Variants in CDC42SE2 observed in about 807,000 individuals in gnomAD.
The protein encoded by CDC42SE2 is CDC42 small effector 2.
CDC42SE2 carries 3 observed loss-of-function variants against 11.5 expected under a neutral mutation model. The ratio of observed to expected loss-of-function variants is 0.26; its 90% confidence interval spans 0.12 to 0.67. The LOEUF (loss-of-function observed/expected upper bound fraction) is 0.67. Among genes scored for constraint, CDC42SE2 ranks in the 30% least tolerant of loss-of-function variants. CDC42SE2 has a pLI of 0.80. For missense variants in CDC42SE2, 82 were observed against 106.8 expected, an observed-to-expected ratio of 0.77 and a Z score of 1.02; for synonymous variants, 33 against 34.8, an observed-to-expected ratio of 0.95 and a Z score of 0.18.
At chr5:131,268,127 A>G (rs1372058659) in intron 1 of CDC42SE2, among the ~76,000 whole-genome samples, 2 of 140,316 alleles carry the variant, frequency 1.4e-5, no homozygotes, top group African/African-American at 5.7e-5. Flanking sequence ...CAATGGCGCA[A>G]TCTCGGCTCA....
At chr5:131,268,791 G>A (rs140786626) in intron 1 of CDC42SE2, among the ~76,000 whole-genome samples, 3 of 125,086 alleles carry the variant, frequency 2.4e-5, no homozygotes, top group African/African-American at 9.4e-5. Context: ...AGAGTCTGTC[G>A]CCAGGCTGGA....
At chr5:131,255,505 C>T (rs1756672987) in intron 2 of CDC42SE2, 1 of 152,090 alleles carries the variant, frequency 6.6e-6, no homozygotes, top group Admixed American at 6.6e-5. Flanking sequence ...TGGCTCATGC[C>T]CGTAATCCCA....
At chr5:131,215,950 A>G in the CDC42SE2 span, among the ~76,000 whole-genome samples, 1 of 152,254 alleles carries the variant, frequency 6.6e-6, no homozygotes, top group Non-Finnish European at 1.5e-5. Context: ...GTGACAATAA[A>G]TGAGGGAAGC....
At chr5:131,235,089 C>T in the CDC42SE2 span, among the ~76,000 whole-genome samples, 1 of 151,774 alleles carries the variant, frequency 6.6e-6, no homozygotes, top group Non-Finnish European at 1.5e-5. Context: ...AGCGGTTTCA[C>T]CTTGTTGGCC....
intron 1 of CDC42SE2, among the ~76,000 whole-genome samples, chr5:131,295,548 CACAT>C (rs1303048156): frequency 6.6e-6 from 1 of 152,084 alleles, no homozygotes; most frequent in African/African-American, 2.4e-5. Flanking sequence ...TTAAATGCGT[CACAT>C]ACATAAGTAT....
At chr5:131,313,234 G>T (rs551254666) in intron 1 of CDC42SE2, among the ~76,000 whole-genome samples, 1 of 151,840 alleles carries the variant, frequency 6.6e-6, no homozygotes, top group East Asian at 1.9e-4. Flanking sequence ...TGCCTGCCTC[G>T]GCCTCCCAAA....
chr5:131,372,441 T>C (rs1561433305), intron 3 of CDC42SE2, among the ~76,000 whole-genome samples: 1 of 151,912 alleles, frequency 6.6e-6, no homozygotes, highest in East Asian at 1.9e-4. Flanking sequence ...CTGGGCGCGG[T>C]GGTGGCTCAC....
intron 2 of CDC42SE2, among the ~76,000 whole-genome samples, 173 bp from the exon 3 acceptor site, chr5:131,359,036 C>T (rs551579045): frequency 2.6e-4 from 39 of 152,262 alleles, no homozygotes; most frequent in African/African-American, 9.1e-4. Context: ...ACACCTAGAA[C>T]TTGACACTTA....
chr5:131,290,519 G>A (rs1470374532), intron 1 of CDC42SE2, among the ~76,000 whole-genome samples: 1 of 123,704 alleles, frequency 8.1e-6, no homozygotes, highest in Non-Finnish European at 1.6e-5. Flanking sequence ...GTATGGCTCT[G>A]TCGCCCAGGC....
intron 2 of CDC42SE2, among the ~76,000 whole-genome samples, chr5:131,348,918 G>A (rs1397535122): frequency 6.6e-6 from 1 of 152,048 alleles, no homozygotes; most frequent in Non-Finnish European, 1.5e-5. Flanking sequence ...AAATGGTGCT[G>A]GGAAAACTGG....
upstream of CDC42SE2, among the ~76,000 whole-genome samples, chr5:131,261,913 C>CTT (rs780842618): frequency 4.5e-5 from 6 of 134,480 alleles, no homozygotes; most frequent in African/African-American, 1.1e-4. Flanking sequence ...CCTTAATTGA[C>CTT]TTTTTTTTTT....
At chr5:131,313,792 A>G (rs944023682) in intron 1 of CDC42SE2, among the ~76,000 whole-genome samples, 2 of 152,098 alleles carry the variant, frequency 1.3e-5, no homozygotes, top group South Asian at 2.1e-4. Flanking sequence ...TGATTGATCT[A>G]GCTCTTTGCC....
At chr5:131,292,929 A>C (rs1026440999) in intron 1 of CDC42SE2, among the ~76,000 whole-genome samples, 1 of 132,976 alleles carries the variant, frequency 7.5e-6, no homozygotes, top group Non-Finnish European at 1.7e-5. Flanking sequence ...AAAAAAAAAA[A>C]AAAAACAGAA....
At chr5:131,243,301 C>T (rs927118257), upstream of CDC42SE2, among the ~76,000 whole-genome samples, 9 of 152,088 alleles carry the variant, frequency 5.9e-5, no homozygotes, top group Non-Finnish European at 1.3e-4. Context: ...AATTTTTGGC[C>T]GGGCGCGGTG....
intron 4 of CDC42SE2, 49 bp from the exon 5 acceptor site, chr5:131,390,944 C>T (rs776368077): frequency 7.9e-7 from 1 of 1,261,964 alleles, no homozygotes; most frequent in South Asian, 1.2e-5. Context: ...TGCACCGGAC[C>T]TACTTCCTGA....
intron 2 of CDC42SE2, among the ~76,000 whole-genome samples, chr5:131,333,398 C>T (rs891362528): frequency 2.0e-5 from 3 of 152,110 alleles, no homozygotes; most frequent in South Asian, 2.1e-4. Flanking sequence ...AGTCAGGTAG[C>T]ATGATGCCTC....
In CDC42SE2 at chr5:131,295,683, AC is replaced by A. The variant is rs751461370; in HGVS notation, c.-454-20292del. ...GTGGACAGAAGAGTGAGGGTGAAAC[AC>A]TTTTTTTTTTTTTTTTGAGACAGAG... On this transcript the variant is annotated intron_variant, in intron 1 of 4. Transcript: ENST00000505065. Among the ~76,000 whole-genome samples the A allele has an allele frequency of 2.1e-4, 32 of 149,232 alleles. No individual in the cohort carries two copies. In the East Asian group the frequency reaches 4.5e-3, roughly 21 times the overall value.
At chr5:131,307,291 C>G (rs1757799883) in intron 1 of CDC42SE2, among the ~76,000 whole-genome samples, 1 of 145,852 alleles carries the variant, frequency 6.9e-6, no homozygotes, top group African/African-American at 2.5e-5. Flanking sequence ...TGTTCAGTTC[C>G]CACCTATGAG....
intron 1 of CDC42SE2, among the ~76,000 whole-genome samples, chr5:131,270,750 G>C (rs1756977209): frequency 6.6e-6 from 1 of 152,170 alleles, no homozygotes; most frequent in African/African-American, 2.4e-5. Flanking sequence ...TCATTAAAAG[G>C]TACAGTATAG....
Sources: gnomAD v4.1 joint callset for allele counts (sites outside exome capture counted in the v4.1 genomes callset) on GRCh38, gnomAD v4.1.1 for gene constraint, MANE v1.5 for transcripts, NCBI Gene and HGNC (gene_info 2026-07-23, HGNC 2026-07-21) for gene names.